Variants in NLRP2 observed in about 807,000 individuals in gnomAD.
The protein encoded by NLRP2 is NACHT, LRR and PYD domains-containing protein 2.
NLRP2 carries 107 observed loss-of-function variants against 97.2 expected under a neutral mutation model. That is an observed-to-expected ratio of 1.10 (90% CI 0.94 to 1.29). The LOEUF (loss-of-function observed/expected upper bound fraction) is 1.29. Ranked by LOEUF, NLRP2 falls within the 50% of genes most tolerant of loss-of-function variation. The pLI is 0.00. For missense variants in NLRP2, 1,495 were observed against 1,330.3 expected, an observed-to-expected ratio of 1.12 and a Z score of -1.93; for synonymous variants, 663 against 551.5, an observed-to-expected ratio of 1.20 and a Z score of -2.83.
intron 6 of NLRP2, 25 bp downstream of exon 6, chr19:54,983,753 T>A: frequency 6.2e-7 from 1 of 1,604,238 alleles, no homozygotes. Context: ...ACTCTACCAG[T>A]CGTTCCATCT....
intron 5 of NLRP2, 114 bp downstream of exon 5, chr19:54,981,796 G>A (rs1360029532): frequency 6.4e-6 from 5 of 779,392 alleles, no homozygotes; most frequent in East Asian, 5.1e-5. Context: ...TGTATGTATC[G>A]AGACGGAGTT....
At chr19:54,986,554 A>ATT (rs2072101524) in intron 8 of NLRP2, among the ~76,000 whole-genome samples, 2 of 136,260 alleles carry the variant, frequency 1.5e-5, no homozygotes, top group African/African-American at 5.3e-5. Flanking sequence ...AATCTTTATC[A>ATT]TCTTTTTTTT....
At chr19:54,967,637 G>C (rs1404432522) in intron 1 of NLRP2, among the ~76,000 whole-genome samples, 1 of 151,180 alleles carries the variant, frequency 6.6e-6, no homozygotes. Context: ...GAGCTATAGA[G>C]AGCTCCAAAA....
intron 1 of NLRP2, among the ~76,000 whole-genome samples, chr19:54,967,980 G>A (rs2070583084): frequency 6.8e-6 from 1 of 148,142 alleles, no homozygotes; most frequent in Non-Finnish European, 1.5e-5. Context: ...GTACAGTGGC[G>A]CTATCTCAGC....
At chr19:55,000,578 C>G (rs1280369116) in intron 12 of NLRP2, among the ~76,000 whole-genome samples, 182 bp from the exon 13 acceptor site, 4 of 147,702 alleles carry the variant, frequency 2.7e-5, no homozygotes, top group African/African-American at 1.0e-4. Flanking sequence ...CACGCCCCAC[C>G]TGAGACTGTC....
rs1295298664 is a variant in NLRP2, at chr19:54,983,680, A to C, written c.1982A>C (p.Asn661Thr). 1.2e-6 allele frequency: 2 copies of C among 1,613,708 alleles called. No individual in the cohort carries two copies. Among genetic ancestry groups the C allele is most frequent in the Non-Finnish European group, 1.7e-6 (2 of 1,180,026 alleles). ...ATGTCACTGCAGGTAATAAAGGAGA[A>C]TCTCCCGGAGAATGTCACTGCGTCT... ...QKMSLQVIKE[N>T]LPENVTASES... The change falls in exon 6 of 13, where the codon AAT becomes ACT. Residue 661 changes from asparagine (N) to threonine (T), a missense_variant. Asn to Thr is a moderately conservative substitution (Grantham distance 65). Transcript: ENST00000448584.
In NLRP2 at chr19:54,974,257, G is replaced by A. The variant is rs1361148318; in HGVS notation, c.281-243G>A. On this transcript the variant is annotated intron_variant, in intron 2 of 12. Coordinates refer to ENST00000448584, the MANE Select transcript of NLRP2 (RefSeq NM_017852.5). ...TAGTCCCAGCTACTCAGGAAGCTGAGGCAGGAGAATCGCTTGAACCTGGGA... is the reference window on the plus strand; with the variant it reads ...TAGTCCCAGCTACTCAGGAAGCTGAAGCAGGAGAATCGCTTGAACCTGGGA... 4 of 592,864 alleles carry A rather than the reference G, an allele frequency of 6.7e-6. No individual in the cohort carries two copies. The Admixed American group carries it at 8.6e-5, about 13-fold the overall frequency. 36.7% of individuals were successfully genotyped at this position (592,864 alleles called of 1,614,324 possible).
At chr19:54,978,581 TGTG>T (rs1009882978) in intron 4 of NLRP2, among the ~76,000 whole-genome samples, 22 of 152,114 alleles carry the variant, frequency 1.4e-4, no homozygotes, top group African/African-American at 5.1e-4. Context: ...GGTGGCCAGG[TGTG>T]GTGGCTCTCA....
rs1568492856 is a variant in NLRP2 at position 54,982,320 on chromosome 19, A to G, written c.622A>G (p.Thr208Ala). The G allele has an allele frequency of 6.2e-7, 1 of 1,614,086 alleles. No homozygotes were observed. The highest frequency in any genetic ancestry group is 8.5e-7 in the Non-Finnish European group (1 of 1,180,008). ...PRVLPGPFSY[T>A]VVLYGPAGLG... Reference sequence around the variant, plus strand: ...GGTGCTTCCCGGGCCCTTCTCATACACGGTGGTGCTGTATGGTCCTGCAGG... The same window carrying G: ...GGTGCTTCCCGGGCCCTTCTCATACGCGGTGGTGCTGTATGGTCCTGCAGG... Residue 208 changes from threonine to alanine, a missense_variant, in exon 6 of 13, where the codon ACG (threonine) becomes GCG (alanine). Transcript: ENST00000448584.
At chr19:54,984,832 T>A (rs375735095) in intron 6 of NLRP2, among the ~76,000 whole-genome samples, 1 of 152,130 alleles carries the variant, frequency 6.6e-6, no homozygotes, top group South Asian at 2.1e-4. Context: ...TAACTTATTT[T>A]TACCCTCTAT....
At chr19:54,994,125 G>C (rs1204538405) in intron 10 of NLRP2, 144 bp from the exon 11 acceptor site, 2 of 905,054 alleles carry the variant, frequency 2.2e-6, no homozygotes, top group Non-Finnish European at 3.6e-6. Context: ...CCATTCTTCT[G>C]TCCACCACAC....
At chr19:54,974,127 G>A (rs1254453832) in intron 2 of NLRP2, 1 of 682,286 alleles carries the variant, frequency 1.5e-6, no homozygotes, top group South Asian at 1.4e-5. Context: ...AGGCCGAGGT[G>A]GGCGGATCAC....
chr19:54,997,501 A>G lies in NLRP2; in HGVS notation c.3050+14A>G, dbSNP rs780258243. 5 of 1,613,890 alleles carry G rather than the reference A, an allele frequency of 3.1e-6. No individual in the cohort carries two copies. Among genetic ancestry groups the G allele is most frequent in the Non-Finnish European group, 4.2e-6 (5 of 1,179,874 alleles). ...CCGGACACTCAGGTATGATCCATTT[A>G]CTTCCCCATCAGGCTTTCTCCAGAG... On this transcript the variant is annotated intron_variant, in intron 12 of 12. Transcript: ENST00000448584.
At chr19:54,979,342 G>A (rs923548508) in intron 4 of NLRP2, among the ~76,000 whole-genome samples, 1 of 151,676 alleles carries the variant, frequency 6.6e-6, no homozygotes, top group African/African-American at 2.4e-5. Flanking sequence ...CTTCCTGGTA[G>A]CATTTTTGTT....
At chr19:54,999,634 G>C (rs1055302249) in intron 12 of NLRP2, among the ~76,000 whole-genome samples, 19 of 143,154 alleles carry the variant, frequency 1.3e-4, no homozygotes, top group African/African-American at 4.6e-4. Context: ...AGGTTAACCT[G>C]ATGTTATGTT....
chr19:55,000,692 T>C, intron 12 of NLRP2, 68 bp from the exon 13 acceptor site: 1 of 1,541,142 alleles, frequency 6.5e-7, no homozygotes, highest in Non-Finnish European at 9.0e-7. Flanking sequence ...GACTTTCAGG[T>C]ACTTGGGAAT....
intron 2 of NLRP2, among the ~76,000 whole-genome samples, chr19:54,970,610 C>A: frequency 6.6e-6 from 1 of 151,668 alleles, no homozygotes. Flanking sequence ...GAGCCGAGAT[C>A]ACGCCATTGC....
intron 4 of NLRP2, among the ~76,000 whole-genome samples, chr19:54,980,516 A>G (rs2071506693): frequency 6.6e-6 from 1 of 152,208 alleles, no homozygotes; most frequent in African/African-American, 2.4e-5. Flanking sequence ...ATTTATGAAG[A>G]CAATCGTAGG....
At chr19:54,967,048 C>A (rs1296483553) in intron 1 of NLRP2, among the ~76,000 whole-genome samples, 1 of 151,574 alleles carries the variant, frequency 6.6e-6, no homozygotes, top group Non-Finnish European at 1.5e-5. Context: ...CAGAGACTCA[C>A]TAGATGTAGG....
Sources: gnomAD v4.1 joint callset for allele counts (sites outside exome capture counted in the v4.1 genomes callset) on GRCh38, gnomAD v4.1.1 for gene constraint, MANE v1.5 for transcripts, NCBI Gene and HGNC (gene_info 2026-07-23, HGNC 2026-07-21) for gene names.